Variants in SPIDR observed in about 807,000 individuals in gnomAD.
SPIDR encodes DNA repair-scaffolding protein.
Under a neutral mutation model 104.6 loss-of-function variants are expected in SPIDR, and 93 were observed. The ratio of observed to expected loss-of-function variants is 0.89; its 90% CI spans 0.75 to 1.06. SPIDR has a LOEUF of 1.06. Among genes scored for constraint, SPIDR ranks in the 50% least tolerant of loss-of-function variants. The pLI, the probability that SPIDR is intolerant of heterozygous loss-of-function variation, is 0.00. For synonymous variants in SPIDR, 431 were observed against 416.9 expected (o/e 1.03, Z -0.41); for missense variants, 1,154 against 1,111.2 (o/e 1.04, Z -0.55).
At chr8:47,483,733 C>G (rs1240786115) in intron 8 of SPIDR, among the ~76,000 whole-genome samples, 1 of 152,108 alleles carries the variant, frequency 6.6e-6, no homozygotes, top group Admixed American at 6.5e-5. Flanking sequence ...ATCTGTGGCC[C>G]AGAGTAAAAT....
At chr8:47,629,931 T>A (rs1456821134) in intron 10 of SPIDR, among the ~76,000 whole-genome samples, 3 of 152,270 alleles carry the variant, frequency 2.0e-5, no homozygotes, top group African/African-American at 7.2e-5. Context: ...TAGTTCCAAG[T>A]TCCCATACTG....
chr8:47,553,506 ACTGATACC>A (rs1374936285), intron 8 of SPIDR, among the ~76,000 whole-genome samples: 3 of 152,112 alleles, frequency 2.0e-5, no homozygotes, highest in South Asian at 4.1e-4. Flanking sequence ...GTCTTCAATC[ACTGATACC>A]CTTTCTTCCA....
Position 47,709,287 on chromosome 8 carries a change from T to C in SPIDR, c.1978-3375T>C, listed in dbSNP as rs542962839. The stretch of plus-strand genomic sequence containing the variant: ...TCCCGAGTAGCTGGAATTACAGGCA[T>C]GCACCACCACACCAGCTAATTTTTG... On this transcript the variant is annotated intron_variant, in intron 14 of 19. Coordinates refer to ENST00000297423, the MANE Select transcript of SPIDR (RefSeq NM_001080394.4). Among the ~76,000 whole-genome samples the C allele has an allele frequency of 4.8e-4, 73 of 152,330 alleles. 1 individual carries two copies. In the South Asian group the frequency reaches 7.2e-3, roughly 15 times the overall value.
intron 6 of SPIDR, among the ~76,000 whole-genome samples, chr8:47,399,208 A>AG (rs1289913363): frequency 6.6e-6 from 1 of 152,254 alleles, no homozygotes; most frequent in East Asian, 1.9e-4. Context: ...GAGGCAGGGG[A>AG]GGGAGGGGAC....
chr8:47,485,118 C>G (rs538334655), intron 8 of SPIDR, among the ~76,000 whole-genome samples: 1 of 152,186 alleles, frequency 6.6e-6, no homozygotes, highest in Non-Finnish European at 1.5e-5. Flanking sequence ...CTGTGATAGA[C>G]GACGCCTGGA....
chr8:47,665,226 G>A (rs1588983726), intron 10 of SPIDR, among the ~76,000 whole-genome samples: 2 of 152,276 alleles, frequency 1.3e-5, no homozygotes, highest in Admixed American at 1.3e-4. Context: ...ATACAAGGGA[G>A]CCCCAGTGAC....
At chr8:47,561,692 C>G (rs961179658) in intron 8 of SPIDR, among the ~76,000 whole-genome samples, 7 of 152,180 alleles carry the variant, frequency 4.6e-5, no homozygotes, top group Admixed American at 1.3e-4. Flanking sequence ...CCATCTCCCT[C>G]TGGCAGCTTT....
At chr8:47,421,239 G>A (rs201225793) in intron 7 of SPIDR, among the ~76,000 whole-genome samples, 10 of 152,220 alleles carry the variant, frequency 6.6e-5, no homozygotes, top group East Asian at 3.9e-4. Context: ...TGTCACTTTC[G>A]GGTACACCAA....
At chr8:47,388,906 AT>A (rs1228719679) in intron 5 of SPIDR, among the ~76,000 whole-genome samples, 3 of 152,238 alleles carry the variant, frequency 2.0e-5, no homozygotes, top group African/African-American at 7.2e-5. Context: ...TCATGTTAGT[AT>A]ATTGCAATGG....
intron 5 of SPIDR, among the ~76,000 whole-genome samples, chr8:47,361,615 C>G (rs2055972323): frequency 6.6e-6 from 1 of 152,246 alleles, no homozygotes; most frequent in African/African-American, 2.4e-5. Flanking sequence ...ACGCTTCTGC[C>G]ACCTCTGAAT....
intron 14 of SPIDR, among the ~76,000 whole-genome samples, chr8:47,708,141 A>G (rs539589809): frequency 6.6e-6 from 1 of 152,210 alleles, no homozygotes; most frequent in Non-Finnish European, 1.5e-5. Flanking sequence ...CTCTACAAAA[A>G]TACAAAAATT....
chr8:47,489,982 A>G (rs868910791), intron 8 of SPIDR, among the ~76,000 whole-genome samples: 5 of 152,236 alleles, frequency 3.3e-5, no homozygotes, highest in Admixed American at 6.5e-5. Flanking sequence ...CAATGGCAAC[A>G]AAAGCCAAAA....
chr8:47,265,506 C>T (rs2033766859), intron 1 of SPIDR, among the ~76,000 whole-genome samples: 2 of 151,662 alleles, frequency 1.3e-5, no homozygotes, highest in African/African-American at 2.4e-5. Context: ...TTGTCTTATT[C>T]CTCAAACCAA....
At chr8:47,693,042 C>G (rs1417336782) in intron 11 of SPIDR, among the ~76,000 whole-genome samples, 2 of 152,202 alleles carry the variant, frequency 1.3e-5, no homozygotes, top group African/African-American at 4.8e-5. Flanking sequence ...CTATTCTAAT[C>G]TTGTTAGAGT....
At chr8:47,479,728 G>A (rs1412027143) in intron 8 of SPIDR, among the ~76,000 whole-genome samples, 1 of 152,170 alleles carries the variant, frequency 6.6e-6, no homozygotes, top group Non-Finnish European at 1.5e-5. Context: ...TGTCAGAAAG[G>A]AATTTGCTAC....
intron 8 of SPIDR, among the ~76,000 whole-genome samples, chr8:47,462,420 C>T (rs576359070): frequency 8.5e-5 from 13 of 152,210 alleles, no homozygotes; most frequent in Middle Eastern, 3.4e-3. Flanking sequence ...GTTCATGATG[C>T]GAGTCTCTGT....
intron 8 of SPIDR, among the ~76,000 whole-genome samples, chr8:47,454,434 A>G (rs138559852): frequency 7.2e-5 from 11 of 151,748 alleles, no homozygotes; most frequent in Admixed American, 7.2e-4. Context: ...AAATGAGAAC[A>G]CTTGGACACA....
chr8:47,330,653 T>C (rs2048500790), intron 5 of SPIDR: 1 of 412,032 alleles, frequency 2.4e-6, no homozygotes, highest in African/African-American at 2.1e-5. Flanking sequence ...GTAATATGTA[T>C]TGAACTTTCC....
intron 3 of SPIDR, among the ~76,000 whole-genome samples, chr8:47,285,913 CTAATATT>C (rs2038750743): frequency 6.6e-6 from 1 of 152,164 alleles, no homozygotes; most frequent in African/African-American, 2.4e-5. Context: ...TTCAGTGTGG[CTAATATT>C]TATCCTACGG....
Sources: allele counts gnomAD v4.1 joint callset (sites outside exome capture counted in the v4.1 genomes callset), GRCh38; gene constraint gnomAD v4.1.1; transcripts MANE v1.5; gene names NCBI Gene and HGNC (gene_info 2026-07-23, HGNC 2026-07-21).